Variants in SHROOM3 observed in about 807,000 individuals in gnomAD.
SHROOM3 encodes shroom family member 3.
Under a neutral mutation model 138.6 loss-of-function variants are expected in SHROOM3, and 47 were observed. The observed-to-expected ratio is 0.34, with a 90% CI of 0.27 to 0.43. SHROOM3 has a LOEUF of 0.43. SHROOM3 is among the 20% of genes least tolerant of loss of function. SHROOM3 has a pLI of 1.00. For missense variants in SHROOM3, 2,491 were observed against 2,596.5 expected (o/e 0.96, Z 0.88); for synonymous variants, 1,062 against 1,063.3 (o/e 1.00, Z 0.02).
chr4:76,498,597 C>G (rs1324548632), intron 1 of SHROOM3, among the ~76,000 whole-genome samples: 1 of 152,048 alleles, frequency 6.6e-6, no homozygotes, highest in African/African-American at 2.4e-5. Context: ...CAAGTATATT[C>G]CATTTTGACA....
At chr4:76,718,571 G>C (rs1720448165) in intron 3 of SHROOM3, among the ~76,000 whole-genome samples, 2 of 152,138 alleles carry the variant, frequency 1.3e-5, no homozygotes, top group African/African-American at 4.8e-5. Flanking sequence ...CTTTTCCTTT[G>C]TTTTCTTATT....
Position 76,779,189 on chromosome 4 carries a change from A to C in SHROOM3, c.*12A>C, listed in dbSNP as rs1433623122. ...CCTCTCCACTTTAACCTCTTCTAAAATACCCAACCAAAAGATCACTGTTTC... is the reference window on the plus strand; with the variant it reads ...CCTCTCCACTTTAACCTCTTCTAAACTACCCAACCAAAAGATCACTGTTTC... On this transcript the variant is annotated 3_prime_UTR_variant, in exon 11 of 11. Coordinates refer to ENST00000296043, the MANE Select transcript of SHROOM3 (RefSeq NM_020859.4). 15 of 1,586,602 alleles carry C rather than the reference A, an allele frequency of 9.5e-6. No homozygotes were observed. In the East Asian group the frequency reaches 3.4e-4, roughly 36 times the overall value.
intron 1 of SHROOM3, among the ~76,000 whole-genome samples, chr4:76,474,779 A>C (rs1383131245): frequency 6.6e-6 from 1 of 151,686 alleles, no homozygotes; most frequent in African/African-American, 2.4e-5. Context: ...CAACAACAAA[A>C]AGCCAGACGT....
At chr4:76,442,116 C>T (rs1730704345) in intron 1 of SHROOM3, among the ~76,000 whole-genome samples, 1 of 152,198 alleles carries the variant, frequency 6.6e-6, no homozygotes, top group Non-Finnish European at 1.5e-5. Flanking sequence ...TCGTTAAGGC[C>T]AGATGGGTTT....
chr4:76,598,862 G>A (rs1734444762), intron 2 of SHROOM3, among the ~76,000 whole-genome samples: 1 of 152,180 alleles, frequency 6.6e-6, no homozygotes, highest in Non-Finnish European at 1.5e-5. Flanking sequence ...TTGTGCTTAC[G>A]AAAGACCATT....
At chr4:76,561,627 A>G (rs1052638744) in intron 2 of SHROOM3, among the ~76,000 whole-genome samples, 3 of 151,560 alleles carry the variant, frequency 2.0e-5, no homozygotes, top group African/African-American at 4.9e-5. Flanking sequence ...CAAGCAGTGA[A>G]ATCATGAACT....
intron 9 of SHROOM3, among the ~76,000 whole-genome samples, chr4:76,767,992 C>T (rs1289487321): frequency 1.3e-5 from 2 of 152,172 alleles, no homozygotes; most frequent in Non-Finnish European, 2.9e-5. Flanking sequence ...CCTGAGGGTG[C>T]AGTGATAATG....
intron 2 of SHROOM3, 80 bp from the exon 3 acceptor site, chr4:76,710,076 T>C: frequency 1.9e-6 from 3 of 1,600,976 alleles, no homozygotes; most frequent in Non-Finnish European, 2.6e-6. Context: ...TTCATGTGCT[T>C]TTTCGGTTTT....
chr4:76,754,589 A>G lies in SHROOM3; in HGVS notation c.4106A>G (p.Gln1369Arg), dbSNP rs1050955462. 17 of 1,614,156 alleles carry G rather than the reference A, an allele frequency of 1.1e-5. No individual in the cohort carries two copies. The highest frequency in any genetic ancestry group is 6.7e-5 in the East Asian group (3 of 44,882). Residue 1369 changes from glutamine to arginine, a missense_variant, in exon 7 of 11, where the codon CAG becomes CGG. Gln to Arg is a conservative substitution (Grantham distance 43). Transcript: ENST00000296043. Reference protein sequence around the residue: ...PSAIPSGYCSQDGQTGRQPLP... With the variant: ...PSAIPSGYCSRDGQTGRQPLP... ...GCCATTCCCTCTGGCTACTGCTCAC[A>G]GGACGGTCAGACAGGGCGACAGCCT...
chr4:76,777,912 A>G lies in SHROOM3; in HGVS notation c.5623-897A>G, dbSNP rs1158448248. ...GTCATTGTTGAACAGAATTTCTCTC[A>G]TTTTGGATCAGAGGCCTGCAAAAGA... On this transcript the variant is annotated intron_variant, in intron 10 of 10. Coordinates refer to ENST00000296043, the MANE Select transcript of SHROOM3 (RefSeq NM_020859.4). Among the ~76,000 whole-genome samples the G allele has an allele frequency of 4.6e-5, 7 of 152,222 alleles. No homozygotes were observed. The East Asian group carries it at 1.2e-3, about 25-fold the overall frequency.
intron 2 of SHROOM3, among the ~76,000 whole-genome samples, chr4:76,628,346 A>G (rs974911617): frequency 6.6e-6 from 1 of 152,160 alleles, no homozygotes; most frequent in Non-Finnish European, 1.5e-5. Flanking sequence ...TTAAATTCAA[A>G]GAGAGCAAGG....
chr4:76,554,185 T>C (rs374371386), intron 1 of SHROOM3, among the ~76,000 whole-genome samples: 2 of 152,204 alleles, frequency 1.3e-5, no homozygotes, highest in East Asian at 1.9e-4. Context: ...TCCTACAATG[T>C]CATACACTTG....
intron 1 of SHROOM3, among the ~76,000 whole-genome samples, chr4:76,502,593 C>A (rs910366063): frequency 2.0e-5 from 3 of 152,182 alleles, no homozygotes; most frequent in Non-Finnish European, 4.4e-5. Flanking sequence ...GGAAAACCCC[C>A]CACCCTCTGG....
At chr4:76,716,837 A>T (rs1164103341) in intron 3 of SHROOM3, among the ~76,000 whole-genome samples, 1 of 152,208 alleles carries the variant, frequency 6.6e-6, no homozygotes, top group Non-Finnish European at 1.5e-5. Flanking sequence ...ACTAGTAGCC[A>T]AGTTCTCTAT....
At chr4:76,699,319 A>G (rs184796581) in intron 2 of SHROOM3, among the ~76,000 whole-genome samples, 19 of 152,298 alleles carry the variant, frequency 1.2e-4, no homozygotes, top group African/African-American at 4.1e-4. Context: ...TTGTTGATGT[A>G]GGTACGCAGA....
In SHROOM3 at chr4:76,740,574, G is replaced by T; in HGVS notation, c.2401G>T (p.Gly801Cys). ...GCAAGGGAGCCAGAGACCGAGTGTG[G>T]GCGGCTCTGGTTTTGGCCATAACTA... The part of the protein sequence containing the change: ...REQGSQRPSV[G>C]GSGFGHNYRP... The change falls in exon 5 of 11, where the codon GGC becomes TGC. Residue 801 changes from glycine to cysteine, a missense_variant. By Grantham distance (159) the Gly-to-Cys change is radical. This residue lies in a region of SHROOM3 where 1,733 missense variants were observed against 1,661.6 expected (regional missense o/e 1.04). Coordinates refer to ENST00000296043, the MANE Select transcript of SHROOM3 (RefSeq NM_020859.4). This position sits in a 1 kb window ranked among gnomAD's most constrained non-coding sequence, Gnocchi z 4.0. 1 of 1,614,102 alleles carries T rather than the reference G, an allele frequency of 6.2e-7. No homozygotes were observed. The highest frequency in any genetic ancestry group is 8.5e-7 in the Non-Finnish European group (1 of 1,180,024).
intron 1 of SHROOM3, among the ~76,000 whole-genome samples, chr4:76,505,701 C>T (rs909183844): frequency 9.6e-5 from 14 of 145,976 alleles, no homozygotes; most frequent in Admixed American, 5.6e-4. Flanking sequence ...AGCTCTGTTG[C>T]CCAGGCTGGA....
At chr4:76,711,086 C>T (rs1720217244) in intron 3 of SHROOM3, among the ~76,000 whole-genome samples, 2 of 152,098 alleles carry the variant, frequency 1.3e-5, no homozygotes, top group Non-Finnish European at 2.9e-5. Context: ...TATAATTATC[C>T]TCATCATTCT....
chr4:76,738,647 C>A, intron 4 of SHROOM3, 114 bp from the exon 5 acceptor site: 1 of 1,308,996 alleles, frequency 7.6e-7, no homozygotes, highest in Non-Finnish European at 1.1e-6. Flanking sequence ...TTTACCCACC[C>A]TTCCAAACAC....
Sources: allele counts gnomAD v4.1 joint callset (sites outside exome capture counted in the v4.1 genomes callset), GRCh38; gene constraint gnomAD v4.1.1; regional missense constraint gnomAD v4.1.1; non-coding constraint Gnocchi (gnomAD v3.1); transcripts MANE v1.5; gene names NCBI Gene and HGNC (gene_info 2026-07-23, HGNC 2026-07-21).